Variants in ADAMTS17 observed in about 807,000 individuals in gnomAD.
The protein encoded by ADAMTS17 is A disintegrin and metalloproteinase with thrombospondin motifs 17.
Under a neutral mutation model 141.5 loss-of-function variants are expected in ADAMTS17, and 113 were observed. The observed-to-expected ratio is 0.80, with a 90% CI of 0.69 to 0.93. The LOEUF (loss-of-function observed/expected upper bound fraction) is 0.93, where lower values mean the gene tolerates loss of function less well. ADAMTS17 is among the 40% of genes least tolerant of loss of function. The pLI, the probability that ADAMTS17 is intolerant of heterozygous loss-of-function variation, is 0.00. For missense variants in ADAMTS17, 1,659 were observed against 1,517.9 expected, an observed-to-expected ratio of 1.09 and a Z score of -1.54; for synonymous variants, 768 against 630.6, an observed-to-expected ratio of 1.22 and a Z score of -3.27.
intron 10 of ADAMTS17, among the ~76,000 whole-genome samples, chr15:100,140,071 C>T (rs191690376): frequency 6.6e-6 from 1 of 152,212 alleles, no homozygotes; most frequent in Non-Finnish European, 1.5e-5. Context: ...TCTCAGCTCA[C>T]TGCAACCTCC....
At chr15:100,152,263 G>C (rs1451137633) in intron 10 of ADAMTS17, among the ~76,000 whole-genome samples, 3 of 152,216 alleles carry the variant, frequency 2.0e-5, no homozygotes, top group South Asian at 2.1e-4. Flanking sequence ...GTGTCCTCAG[G>C]TTTCCATATT....
intron 14 of ADAMTS17, 46 bp from the exon 15 acceptor site, chr15:100,096,522 G>A (rs559015473): frequency 2.5e-5 from 40 of 1,613,324 alleles, no homozygotes; most frequent in Non-Finnish European, 2.8e-5. Flanking sequence ...AGACTCAGAG[G>A]AGTTTTAAAG....
rs182614752 is a variant in ADAMTS17, at chr15:100,236,649, G to A, written c.1075+17487C>T. Among the ~76,000 whole-genome samples, 78 of 152,276 alleles carry A rather than the reference G, an allele frequency of 5.1e-4. No individual in the cohort carries two copies. In the East Asian group the frequency reaches 0.01, roughly 20 times the overall value. On this transcript the variant is annotated intron_variant, in intron 7 of 21. Coordinates refer to ENST00000268070, the MANE Select transcript of ADAMTS17 (RefSeq NM_139057.4). ...GGCCAGGAGGTTGAGACCAGCCTGG[G>A]AAACGCTGTAAGACCTTGTTTCTAC...
Position 100,163,006 on chromosome 15 carries a change from GTGTATATATAACTATATATGTATATATA to G in ADAMTS17, c.1182-7714_1182-7687del, listed in dbSNP as rs1567286390. Among the ~76,000 whole-genome samples the G allele has an allele frequency of 5.3e-3, 731 of 138,374 alleles. 9 individuals are homozygous for G. The highest frequency in any genetic ancestry group is 0.018 in the African/African-American group (686 of 37,630). 90.8% of individuals were successfully genotyped at this position (138,374 alleles called of 152,430 possible). On this transcript the variant is annotated intron_variant, in intron 8 of 21. Transcript: ENST00000268070. ...TATATATAACTATATATGTATATAT[GTGTATATATAACTATATATGTATATATA>G]TGTGTATATATAACTATATATGTAT...
In ADAMTS17 at chr15:100,132,203, A is replaced by G. The variant is rs149578709; in HGVS notation, c.1576-51T>C. 3.8e-3 allele frequency: 6,032 copies of G among 1,588,674 alleles called. 167 individuals carry two copies. The East Asian group carries it at 0.071, about 19-fold the overall frequency. On this transcript the variant is annotated intron_variant, in intron 11 of 21. Coordinates refer to ENST00000268070, the MANE Select transcript of ADAMTS17 (RefSeq NM_139057.4). ...GCCCAGGCACTCAGCAGAGCTGCTC[A>G]CTCCAGCCCGCCAGGCCCCAAAATG...
chr15:100,009,935 C>T (rs1170292788), intron 18 of ADAMTS17, among the ~76,000 whole-genome samples: 4 of 152,226 alleles, frequency 2.6e-5, no homozygotes, highest in Non-Finnish European at 5.9e-5. Flanking sequence ...TCACCTGAAT[C>T]TCATCTTGAA....
intron 14 of ADAMTS17, among the ~76,000 whole-genome samples, chr15:100,100,937 C>G (rs1596428033): frequency 6.6e-6 from 1 of 152,114 alleles, no homozygotes; most frequent in East Asian, 1.9e-4. Context: ...TGTAAGCCCT[C>G]CCCCGGAATG....
chr15:100,103,628 G>C (rs2036252501), intron 14 of ADAMTS17, among the ~76,000 whole-genome samples: 1 of 151,610 alleles, frequency 6.6e-6, no homozygotes, highest in Admixed American at 6.6e-5. Context: ...GCCCAGGCTA[G>C]AGTGCACTGG....
At chr15:100,254,544 T>TC (rs2043261803) in intron 6 of ADAMTS17, among the ~76,000 whole-genome samples, 2 of 152,170 alleles carry the variant, frequency 1.3e-5, no homozygotes. Flanking sequence ...CTACTCTACT[T>TC]CCCCAAGCTA....
intron 7 of ADAMTS17, among the ~76,000 whole-genome samples, chr15:100,231,990 G>C (rs1409417757): frequency 3.3e-5 from 5 of 152,102 alleles, no homozygotes; most frequent in Non-Finnish European, 7.4e-5. Context: ...TTTTACTTGT[G>C]AATTATACTT....
chr15:100,231,322 C>T (rs1045248852), intron 7 of ADAMTS17, among the ~76,000 whole-genome samples: 3 of 152,198 alleles, frequency 2.0e-5, no homozygotes, highest in Non-Finnish European at 2.9e-5. Context: ...TTCCTCTTGG[C>T]AATGACCCCT....
At chr15:100,051,767 A>G in intron 16 of ADAMTS17, 36 bp from the exon 17 acceptor site, 1 of 1,613,838 alleles carries the variant, frequency 6.2e-7, no homozygotes, top group Non-Finnish European at 8.5e-7. Flanking sequence ...CATTTTGAAA[A>G]GGAAGGAAGG....
intron 8 of ADAMTS17, among the ~76,000 whole-genome samples, chr15:100,179,506 T>C (rs941758589): frequency 6.6e-6 from 1 of 152,234 alleles, no homozygotes; most frequent in Non-Finnish European, 1.5e-5. Flanking sequence ...ACAATAAACA[T>C]GCGAGTGCAG....
intron 7 of ADAMTS17, among the ~76,000 whole-genome samples, chr15:100,208,804 T>C (rs1450273628): frequency 2.0e-5 from 3 of 152,186 alleles, no homozygotes; most frequent in Non-Finnish European, 4.4e-5. Context: ...TCAAGGTCAC[T>C]GGACAATTTA....
intron 8 of ADAMTS17, among the ~76,000 whole-genome samples, chr15:100,159,144 C>G (rs2039574803): frequency 6.6e-6 from 1 of 152,160 alleles, no homozygotes; most frequent in Admixed American, 6.5e-5. Flanking sequence ...AAAATTGAAA[C>G]CAGAATCTCC....
At chr15:100,256,596 C>T (rs1028702713) in intron 6 of ADAMTS17, 1 of 152,196 alleles carries the variant, frequency 6.6e-6, no homozygotes, top group Non-Finnish European at 1.5e-5. Flanking sequence ...AAGAGGGTCC[C>T]CTGGCAGAAG....
intron 4 of ADAMTS17, among the ~76,000 whole-genome samples, chr15:100,265,402 G>A (rs1378495337): frequency 2.6e-5 from 4 of 152,186 alleles, no homozygotes; most frequent in Admixed American, 6.5e-5. Context: ...AGGGAACAGC[G>A]CAGCCAAGCG....
At chr15:100,223,765 C>CAT (rs1301843720) in intron 7 of ADAMTS17, among the ~76,000 whole-genome samples, 2 of 150,504 alleles carry the variant, frequency 1.3e-5, no homozygotes, top group Non-Finnish European at 2.9e-5. Context: ...TACACACACA[C>CAT]ATATATATAT....
chr15:100,266,508 C>T (rs1424143565), intron 4 of ADAMTS17, among the ~76,000 whole-genome samples: 3 of 152,214 alleles, frequency 2.0e-5, no homozygotes, highest in Admixed American at 6.5e-5. Flanking sequence ...GCCCATCCCT[C>T]TTCTGCTTAA....
Sources: allele counts gnomAD v4.1 joint callset (sites outside exome capture counted in the v4.1 genomes callset), GRCh38; gene constraint gnomAD v4.1.1; transcripts MANE v1.5; gene names NCBI Gene and HGNC (gene_info 2026-07-23, HGNC 2026-07-21).